The following VIPR2 variants were observed in gnomAD, a reference collection of about 807,000 sequenced individuals.
The protein encoded by VIPR2 is vasoactive intestinal polypeptide receptor 2.
VIPR2 carries 48 observed loss-of-function variants against 58.0 expected under a neutral mutation model. The ratio of observed to expected loss-of-function variants is 0.83; its 90% CI spans 0.66 to 1.05. The LOEUF (loss-of-function observed/expected upper bound fraction) is 1.05. Ranked by LOEUF, VIPR2 falls within the 50% of genes least tolerant of loss-of-function variation. VIPR2 has a pLI of 0.00. For missense variants in VIPR2, 534 were observed against 558.0 expected (o/e 0.96, Z 0.43); for synonymous variants, 243 against 235.2 (o/e 1.03, Z -0.30).
intron 2 of VIPR2, among the ~76,000 whole-genome samples, chr7:159,135,802 G>A (rs149235017): frequency 0.011 from 1,676 of 152,294 alleles, 24 homozygotes; most frequent in African/African-American, 0.028. Context: ...CAGCCTGGGC[G>A]ACAGAGTGAA....
chr7:159,040,511 C>T (rs1854262082), intron 6 of VIPR2, among the ~76,000 whole-genome samples: 1 of 152,228 alleles, frequency 6.6e-6, no homozygotes, highest in Non-Finnish European at 1.5e-5. Flanking sequence ...TGTCCCGGGA[C>T]AGCCCAGGGC....
intron 1 of VIPR2, 187 bp downstream of exon 1, chr7:159,144,534 C>G (rs1257456866): frequency 6.6e-7 from 1 of 1,509,514 alleles, no homozygotes; most frequent in African/African-American, 1.4e-5. Flanking sequence ...CCGGCGGGAC[C>G]GGAGCTCAGC....
At chr7:159,144,561 G>A (rs1797614352) in intron 1 of VIPR2, 160 bp downstream of exon 1, 1 of 1,453,776 alleles carries the variant, frequency 6.9e-7, no homozygotes. Context: ...CGCTCTCCGG[G>A]AGGAAGCTCC....
intron 2 of VIPR2, among the ~76,000 whole-genome samples, chr7:159,113,596 T>C (rs756725454): frequency 6.6e-5 from 10 of 152,164 alleles, no homozygotes; most frequent in Admixed American, 2.6e-4. Context: ...TGTTCTGGCC[T>C]GAGGTTTGAT....
At chr7:159,035,277 G>A (rs1179092044) in intron 8 of VIPR2, among the ~76,000 whole-genome samples, 2 of 152,196 alleles carry the variant, frequency 1.3e-5, no homozygotes, top group East Asian at 3.9e-4. Flanking sequence ...TCAGGCTGGT[G>A]CAGTCTCAGA....
At chr7:159,066,744 G>T (rs976585108) in intron 4 of VIPR2, among the ~76,000 whole-genome samples, 1 of 152,232 alleles carries the variant, frequency 6.6e-6, no homozygotes, top group African/African-American at 2.4e-5. Context: ...TACTTACAAA[G>T]CCTCAGTGGT....
intron 4 of VIPR2, among the ~76,000 whole-genome samples, chr7:159,087,794 T>C (rs1280286524): frequency 7.0e-6 from 1 of 142,278 alleles, no homozygotes; most frequent in African/African-American, 2.7e-5. Flanking sequence ...AGGACTTGGA[T>C]AGTGAGATAC....
chr7:159,077,054 T>G (rs562626244), intron 4 of VIPR2, among the ~76,000 whole-genome samples: 1 of 152,240 alleles, frequency 6.6e-6, no homozygotes, highest in African/African-American at 2.4e-5. Context: ...ACCAAAACTT[T>G]GACTGGAATG....
chr7:159,056,978 A>T (rs1855359608), intron 5 of VIPR2, among the ~76,000 whole-genome samples: 1 of 152,198 alleles, frequency 6.6e-6, no homozygotes, highest in Non-Finnish European at 1.5e-5. Flanking sequence ...CAGGTGACGA[A>T]TGATGCCTAC....
chr7:159,144,339 G>T (rs1797599846), intron 1 of VIPR2: 1 of 1,532,968 alleles, frequency 6.5e-7, no homozygotes, highest in African/African-American at 1.4e-5. Flanking sequence ...TGCGGCCAAC[G>T]CCAACCCCGA....
intron 5 of VIPR2, 119 bp from the exon 6 acceptor site, chr7:159,043,295 T>A: frequency 1.1e-6 from 1 of 907,128 alleles, no homozygotes; most frequent in Non-Finnish European, 1.5e-6. Flanking sequence ...AATAAAAGAG[T>A]TGAGGGCATG....
chr7:159,060,707 A>G (rs1855598586), intron 4 of VIPR2, among the ~76,000 whole-genome samples: 2 of 150,352 alleles, frequency 1.3e-5, no homozygotes, highest in Non-Finnish European at 3.0e-5. Context: ...CCTAACCACC[A>G]CTCTGAACTC....
chr7:159,061,740 A>G (rs1855670305), intron 4 of VIPR2, among the ~76,000 whole-genome samples: 1 of 152,206 alleles, frequency 6.6e-6, no homozygotes, highest in South Asian at 2.1e-4. Context: ...CTGGGCGCCC[A>G]CCAGGGTTGA....
At chr7:159,114,728 C>T (rs960922925) in intron 2 of VIPR2, among the ~76,000 whole-genome samples, 1 of 151,416 alleles carries the variant, frequency 6.6e-6, no homozygotes, top group Admixed American at 6.6e-5. Context: ...ATTGCTTGAG[C>T]CCAGGAGCTT....
chr7:159,144,760 C>T lies in VIPR2; in HGVS notation c.12G>A (p.Leu4=). Residue 4 remains leucine (L), a synonymous_variant, in exon 1 of 13, where the codon CTG becomes CTA. Transcript: ENST00000262178. ...AGCAGGTCAGCAGCGCGGGAGGCAG[C>T]AGCGTCCGCATCCCGAGCTCAGCGT... MRT[L]LPPALLTCWL... The T allele has an allele frequency of 1.6e-6, 2 of 1,268,106 alleles. No homozygotes were observed. The highest frequency in any genetic ancestry group is 3.0e-5 in the South Asian group (1 of 33,142). The allele number at this position is 1,268,106 out of a possible 1,614,324, so 78.6% of individuals were successfully genotyped here.
At chr7:159,058,440 G>T in intron 5 of VIPR2, 41 bp downstream of exon 5, 1 of 1,575,732 alleles carries the variant, frequency 6.3e-7, no homozygotes, top group Non-Finnish European at 8.7e-7. Flanking sequence ...AACTTTGCTT[G>T]TCTTGTATTC....
At chr7:159,086,321 G>T (rs530065725) in intron 4 of VIPR2, among the ~76,000 whole-genome samples, 1 of 152,192 alleles carries the variant, frequency 6.6e-6, no homozygotes, top group Non-Finnish European at 1.5e-5. Flanking sequence ...TTTGCCCATG[G>T]AGTCCTATGA....
At position 159,127,928 on chromosome 7, in the gene VIPR2, G is replaced by A. The variant is rs570298337; in HGVS notation, c.151+14518C>T. The stretch of plus-strand genomic sequence containing the variant: ...GCCTCAAGGCACGGGGAGTCCTGCC[G>A]TGCTATTCCAAGGACAATCTTCCAT... On this transcript the variant is annotated intron_variant, in intron 2 of 12. Coordinates refer to ENST00000262178, the MANE Select transcript of VIPR2 (RefSeq NM_003382.5). This position sits in a 1 kb window ranked among gnomAD's most constrained non-coding sequence, Gnocchi z 4.6. 2.8e-4 allele frequency among the ~76,000 whole-genome samples: 42 copies of A among 152,272 alleles called. No individual in the cohort carries two copies. Among genetic ancestry groups the A allele is most frequent in the African/African-American group, 3.6e-4 (15 of 41,566 alleles).
intron 5 of VIPR2, among the ~76,000 whole-genome samples, chr7:159,045,135 T>C (rs960278010): frequency 6.6e-6 from 1 of 151,960 alleles, no homozygotes; most frequent in African/African-American, 2.4e-5. Flanking sequence ...AATTATCCAG[T>C]CTGAGGAGCA....
Sources: gnomAD v4.1 joint callset for allele counts (sites outside exome capture counted in the v4.1 genomes callset) on GRCh38, gnomAD v4.1.1 for gene constraint, Gnocchi (gnomAD v3.1) non-coding constraint, MANE v1.5 for transcripts, NCBI Gene and HGNC (gene_info 2026-07-23, HGNC 2026-07-21) for gene names.